PPP4R2: variants seen among roughly 807,000 people sequenced by gnomAD.
PPP4R2 encodes the protein serine/threonine-protein phosphatase 4 regulatory subunit 2.
A neutral mutation model predicts 47.2 loss-of-function variants in PPP4R2; 13 were observed. That is an observed-to-expected ratio of 0.28 (90% CI 0.18 to 0.44). The LOEUF is 0.44. Ranked by LOEUF, PPP4R2 falls within the 20% of genes least tolerant of loss-of-function variation. The pLI is 1.00. For synonymous variants in PPP4R2, 151 were observed against 163.3 expected (o/e 0.92, Z 0.57); for missense variants, 421 against 491.2 (o/e 0.86, Z 1.35).
chr3:73,037,247 TA>T (rs1292305164), intron 2 of PPP4R2, among the ~76,000 whole-genome samples: 1 of 152,200 alleles, frequency 6.6e-6, no homozygotes, highest in Admixed American at 6.5e-5. Flanking sequence ...CTAATGAGTA[TA>T]TTTTTTTAAA....
At chr3:73,048,022 G>T (rs997505967) in intron 3 of PPP4R2, among the ~76,000 whole-genome samples, 1 of 152,092 alleles carries the variant, frequency 6.6e-6, no homozygotes, top group East Asian at 1.9e-4. Context: ...GACTGTAGGC[G>T]CATGCCACCA....
chr3:73,060,749 A>G (rs951944338), intron 4 of PPP4R2, among the ~76,000 whole-genome samples: 7 of 152,176 alleles, frequency 4.6e-5, no homozygotes, highest in African/African-American at 1.7e-4. Context: ...CGTATAGTGT[A>G]TGATGTTACG....
intron 2 of PPP4R2, among the ~76,000 whole-genome samples, chr3:73,013,484 T>A (rs1399497579): frequency 2.8e-5 from 3 of 107,456 alleles, no homozygotes; most frequent in Admixed American, 8.2e-5. Context: ...TTTACAAAAA[T>A]GTAAGAAAAA....
chr3:73,024,601 T>C (rs1224740006), intron 2 of PPP4R2, among the ~76,000 whole-genome samples: 2 of 152,146 alleles, frequency 1.3e-5, no homozygotes, highest in African/African-American at 4.8e-5. Context: ...ACTTCTAAAT[T>C]ATAATTTGAA....
intron 2 of PPP4R2, among the ~76,000 whole-genome samples, chr3:73,007,284 C>T (rs1701628491): frequency 6.6e-6 from 1 of 151,600 alleles, no homozygotes; most frequent in Non-Finnish European, 1.5e-5. Flanking sequence ...TTTTTTTCCC[C>T]CTCTACAGTT....
chr3:72,997,420 A>T (rs1701372824), intron 1 of PPP4R2: 2 of 167,982 alleles, frequency 1.2e-5, no homozygotes, highest in Non-Finnish European at 1.2e-5. Context: ...CCCGTACGCT[A>T]GGCGTTGGGG....
chr3:73,066,278 A>C lies in PPP4R2; in HGVS notation c.*556A>C, dbSNP rs1402166916. 2 of 144,250 alleles carry C rather than the reference A, an allele frequency of 1.4e-5. No homozygotes were observed. The highest frequency in any genetic ancestry group is 3.0e-5 in the Non-Finnish European group (2 of 65,814). 8.9% of individuals were successfully genotyped at this position (144,250 alleles called of 1,614,324 possible). ...TATATATATAATTCTAAGGGGGGAAATGTTATATTTTTCTGTTTCTATAAG... is the reference window on the plus strand; with the variant it reads ...TATATATATAATTCTAAGGGGGGAACTGTTATATTTTTCTGTTTCTATAAG... On this transcript the variant is annotated 3_prime_UTR_variant, in exon 9 of 9. Transcript: ENST00000356692.
chr3:73,004,845 GT>G (rs1701561730), intron 2 of PPP4R2, among the ~76,000 whole-genome samples: 1 of 79,062 alleles, frequency 1.3e-5, no homozygotes, highest in Non-Finnish European at 2.3e-5. Flanking sequence ...ACAGTGTGGG[GT>G]GTGTGTGTGT....
intron 2 of PPP4R2, among the ~76,000 whole-genome samples, chr3:73,034,952 C>T (rs191514791): frequency 6.6e-6 from 1 of 152,000 alleles, no homozygotes; most frequent in African/African-American, 2.4e-5. Flanking sequence ...AATGGGATTA[C>T]ATCAAGCTAA....
At chr3:73,020,825 G>C (rs914888109) in intron 2 of PPP4R2, among the ~76,000 whole-genome samples, 4 of 152,042 alleles carry the variant, frequency 2.6e-5, no homozygotes, top group Non-Finnish European at 5.9e-5. Flanking sequence ...ACCGTGCCTG[G>C]TGTTTCTGGC....
intron 2 of PPP4R2, among the ~76,000 whole-genome samples, chr3:73,011,492 A>G (rs1701723887): frequency 6.6e-6 from 1 of 152,078 alleles, no homozygotes; most frequent in Non-Finnish European, 1.5e-5. Context: ...GAAAAAAAAA[A>G]ATTTGGAGCT....
chr3:73,062,783 C>T, intron 5 of PPP4R2: 1 of 1,613,888 alleles, frequency 6.2e-7, no homozygotes, highest in Non-Finnish European at 8.5e-7. Flanking sequence ...TAATCAGCTG[C>T]AATGCAGAAT....
At chr3:73,021,846 A>ATGTGTGTG (rs1350655364) in intron 2 of PPP4R2, among the ~76,000 whole-genome samples, 6 of 120,832 alleles carry the variant, frequency 5.0e-5, no homozygotes, top group African/African-American at 2.3e-4. Flanking sequence ...TTACATTTCT[A>ATGTGTGTG]TATGTGTGTG....
intron 5 of PPP4R2, chr3:73,062,496 G>T (rs755965303): frequency 3.7e-6 from 6 of 1,613,492 alleles, no homozygotes; most frequent in Non-Finnish European, 5.1e-6. Flanking sequence ...GTTACACCAG[G>T]CATTACTGAG....
chr3:73,011,206 G>A (rs1701718309), intron 2 of PPP4R2, among the ~76,000 whole-genome samples: 1 of 152,210 alleles, frequency 6.6e-6, no homozygotes, highest in Admixed American at 6.5e-5. Flanking sequence ...CAGGCCAGGT[G>A]CGGTGGCTCA....
intron 2 of PPP4R2, among the ~76,000 whole-genome samples, chr3:73,016,563 A>T (rs2107239000): frequency 6.6e-6 from 1 of 152,296 alleles, no homozygotes; most frequent in South Asian, 2.1e-4. Flanking sequence ...ATTTAAAAAA[A>T]TGGTAAGACC....
intron 2 of PPP4R2, among the ~76,000 whole-genome samples, chr3:73,026,727 C>T (rs553783573): frequency 1.3e-5 from 2 of 152,080 alleles, no homozygotes; most frequent in South Asian, 2.1e-4. Flanking sequence ...AGCACATCAG[C>T]TATCATTAGT....
intron 2 of PPP4R2, among the ~76,000 whole-genome samples, chr3:73,019,600 C>G (rs1278890793): frequency 6.6e-6 from 1 of 152,204 alleles, no homozygotes; most frequent in South Asian, 2.1e-4. Flanking sequence ...TCTCGAACTC[C>G]TGACCTCAGA....
At chr3:73,017,902 A>G (rs973933784) in intron 2 of PPP4R2, among the ~76,000 whole-genome samples, 10 of 151,932 alleles carry the variant, frequency 6.6e-5, no homozygotes, top group Admixed American at 3.9e-4. Flanking sequence ...TAATTTTTGT[A>G]TTTTTAGTAG....
Sources: gnomAD v4.1 joint callset for allele counts (sites outside exome capture counted in the v4.1 genomes callset) on GRCh38, gnomAD v4.1.1 for gene constraint, MANE v1.5 for transcripts, NCBI Gene and HGNC (gene_info 2026-07-23, HGNC 2026-07-21) for gene names.